The following HMGCLL1 variants were observed in gnomAD, a reference collection of about 807,000 sequenced individuals.
HMGCLL1 encodes the protein 3-hydroxymethyl-3-methylglutaryl-CoA lyase, cytoplasmic.
In HMGCLL1, 36 loss-of-function variants were observed where a neutral mutation model predicts 39.1. That is an observed-to-expected ratio of 0.92 (90% confidence interval 0.71 to 1.22). The LOEUF is 1.22. Ranked by LOEUF, HMGCLL1 falls within the 50% of genes most tolerant of loss-of-function variation. The pLI is 0.00. For missense variants in HMGCLL1, 451 were observed against 416.5 expected, an observed-to-expected ratio of 1.08 and a Z score of -0.72; for synonymous variants, 149 against 144.0, an observed-to-expected ratio of 1.03 and a Z score of -0.25.
the HMGCLL1 span, among the ~76,000 whole-genome samples, chr6:55,602,056 G>A: frequency 1.1e-4 from 17 of 150,504 alleles, no homozygotes; most frequent in East Asian, 9.7e-4. Flanking sequence ...AAAATGCCCC[G>A]TTATCTCTCA....
At position 55,503,592 on chromosome 6, in the gene HMGCLL1, C is replaced by T. The variant is rs73449253; in HGVS notation, c.543-4293G>A. Among the ~76,000 whole-genome samples, 615 of 151,674 alleles carry T rather than the reference C, an allele frequency of 4.1e-3. 7 individuals carry two copies. Among genetic ancestry groups the T allele is most frequent in the African/African-American group, 0.013 (539 of 41,432 alleles). On this transcript the variant is annotated intron_variant, in intron 5 of 8. Coordinates refer to ENST00000274901, the MANE Select transcript of HMGCLL1 (RefSeq NM_001042406.2). ...TAGCTAAGTCCTCCATAGTCCCTCT[C>T]GCTCACCATTATGCCCATAACCCCA... is the stretch of plus-strand genomic sequence containing the variant.
the HMGCLL1 span, among the ~76,000 whole-genome samples, chr6:55,652,094 A>G: frequency 1.3e-5 from 2 of 151,982 alleles, no homozygotes; most frequent in African/African-American, 4.8e-5. Flanking sequence ...GTCCTTTTCT[A>G]TGTGCAGACA....
At chr6:55,632,161 T>C in the HMGCLL1 span, among the ~76,000 whole-genome samples, 3 of 152,128 alleles carry the variant, frequency 2.0e-5, no homozygotes, top group East Asian at 1.9e-4. Flanking sequence ...AGATGTAGGT[T>C]ATAATTTGTA....
chr6:55,639,752 A>T, the HMGCLL1 span, among the ~76,000 whole-genome samples: 1 of 152,134 alleles, frequency 6.6e-6, no homozygotes, highest in East Asian at 1.9e-4. Flanking sequence ...AAGGATAATG[A>T]CAATGAAAAT....
At chr6:55,470,192 C>T (rs909954632) in intron 7 of HMGCLL1, among the ~76,000 whole-genome samples, 2 of 151,902 alleles carry the variant, frequency 1.3e-5, no homozygotes, top group African/African-American at 4.8e-5. Flanking sequence ...ATATTTCTTA[C>T]AACTTTTCTC....
At chr6:55,587,103 G>C in the HMGCLL1 span, among the ~76,000 whole-genome samples, 3 of 152,044 alleles carry the variant, frequency 2.0e-5, no homozygotes, top group African/African-American at 7.2e-5. Flanking sequence ...GTGTGAGATG[G>C]TATCTCAATG....
At chr6:55,621,317 G>A in the HMGCLL1 span, among the ~76,000 whole-genome samples, 1 of 151,900 alleles carries the variant, frequency 6.6e-6, no homozygotes, top group Non-Finnish European at 1.5e-5. Context: ...TTTATAGTAG[G>A]GGCTCCCCAA....
the HMGCLL1 span, among the ~76,000 whole-genome samples, chr6:55,608,266 A>T: frequency 6.6e-6 from 1 of 152,174 alleles, no homozygotes; most frequent in Admixed American, 6.6e-5. Context: ...TTACTTATAC[A>T]GTTACATATA....
the HMGCLL1 span, among the ~76,000 whole-genome samples, chr6:55,604,060 A>C: frequency 6.6e-6 from 1 of 152,140 alleles, no homozygotes; most frequent in Non-Finnish European, 1.5e-5. Context: ...GTTATTCAAA[A>C]AATTGTTTCA....
At chr6:55,494,863 C>A (rs2127423100) in intron 7 of HMGCLL1, among the ~76,000 whole-genome samples, 1 of 152,316 alleles carries the variant, frequency 6.6e-6, no homozygotes, top group East Asian at 1.9e-4. Flanking sequence ...AATTCATAAT[C>A]TTCCAACTTT....
At chr6:55,441,794 G>A (rs149224714) in intron 7 of HMGCLL1, among the ~76,000 whole-genome samples, 2,402 of 152,090 alleles carry the variant, frequency 0.016, 71 homozygotes, top group African/African-American at 0.055. Context: ...GGGTTCAAGC[G>A]ATTCTCTTGC....
intron 1 of HMGCLL1, among the ~76,000 whole-genome samples, chr6:55,562,528 G>A (rs901491682): frequency 5.9e-5 from 9 of 152,194 alleles, no homozygotes; most frequent in South Asian, 4.1e-4. Flanking sequence ...GCCCTGGAAC[G>A]GTCTCCTTTC....
the HMGCLL1 span, among the ~76,000 whole-genome samples, chr6:55,600,609 A>T: frequency 6.6e-6 from 1 of 152,146 alleles, no homozygotes; most frequent in African/African-American, 2.4e-5. Context: ...CTTTTTGTTA[A>T]TGGACAGCCT....
At chr6:55,504,479 G>T (rs1190974641) in intron 5 of HMGCLL1, among the ~76,000 whole-genome samples, 1 of 151,564 alleles carries the variant, frequency 6.6e-6, no homozygotes. Context: ...TTGAAGTTAT[G>T]CTGAATTTTC....
At chr6:55,579,255 C>T, upstream of HMGCLL1, 1 of 591,306 alleles carries the variant, frequency 1.7e-6, no homozygotes, top group Non-Finnish European at 3.0e-6. Context: ...CCTGGGGCAG[C>T]GGGTGCACGG....
chr6:55,657,333 A>G, the HMGCLL1 span, among the ~76,000 whole-genome samples: 2 of 151,674 alleles, frequency 1.3e-5, no homozygotes, highest in East Asian at 1.9e-4. Flanking sequence ...TATAGTTTTG[A>G]GTTTTACATT....
intron 3 of HMGCLL1, among the ~76,000 whole-genome samples, chr6:55,524,726 G>A (rs9464260): frequency 0.013 from 1,906 of 151,928 alleles, 33 homozygotes; most frequent in African/African-American, 0.043. Context: ...CCAGAAACGC[G>A]ATCCTTGAAG....
Position 55,516,557 on chromosome 6 carries a change from C to T in HMGCLL1, c.344G>A (p.Gly115Glu). The change falls in exon 4 of 9, where the codon GGA becomes GAA. Residue 115 changes from glycine to glutamate, a missense_variant. Physicochemically the swap from Gly to Glu is moderately conservative, Grantham distance 98 (BLOSUM62 -2). Coordinates refer to ENST00000274901, the MANE Select transcript of HMGCLL1 (RefSeq NM_001042406.2). ...AGGAGTAAGGACAGGATAGCGAACT[C>T]CTGGATATTGATGAATGCCTTTCAT... ...EVMKGIHQYP[G>E]VRYPVLTPNL... The T allele has an allele frequency of 6.2e-7, 1 of 1,603,592 alleles. No individual in the cohort carries two copies. The highest frequency in any genetic ancestry group is 8.5e-7 in the Non-Finnish European group (1 of 1,172,930).
At chr6:55,618,195 G>A in the HMGCLL1 span, among the ~76,000 whole-genome samples, 1 of 151,992 alleles carries the variant, frequency 6.6e-6, no homozygotes, top group Non-Finnish European at 1.5e-5. Flanking sequence ...GAGACATACT[G>A]GAAACGTCTG....
Sources: gnomAD v4.1 joint callset for allele counts (sites outside exome capture counted in the v4.1 genomes callset) on GRCh38, gnomAD v4.1.1 for gene constraint, MANE v1.5 for transcripts, NCBI Gene and HGNC (gene_info 2026-07-23, HGNC 2026-07-21) for gene names.